Variants in ANKRD36C observed in about 807,000 individuals in gnomAD.
The protein encoded by ANKRD36C is ankyrin repeat domain 36C.
A neutral mutation model predicts 276.4 loss-of-function variants in ANKRD36C; 61 were observed. The ratio of observed to expected loss-of-function variants is 0.22; its 90% CI spans 0.18 to 0.27. The LOEUF (loss-of-function observed/expected upper bound fraction) is 0.27. Among genes scored for constraint, ANKRD36C ranks in the 10% least tolerant of loss-of-function variants. The pLI, the probability that ANKRD36C is intolerant of heterozygous loss-of-function variation, is 1.00. For missense variants in ANKRD36C, 1,447 were observed against 2,032.3 expected, an observed-to-expected ratio of 0.71 and a Z score of 5.54; for synonymous variants, 483 against 680.1, an observed-to-expected ratio of 0.71 and a Z score of 4.51.
chr2:95,910,295 AC>A (rs950542495), intron 42 of ANKRD36C, 77 bp downstream of exon 46: 2 of 1,433,700 alleles, frequency 1.4e-6, no homozygotes, highest in African/African-American at 2.9e-5. Flanking sequence ...TCGACGAGCC[AC>A]CCGCTGCTTT....
intron 60 of ANKRD36C, among the ~76,000 whole-genome samples, chr2:95,862,837 G>T (rs1675614362): frequency 6.6e-6 from 1 of 151,964 alleles, no homozygotes; most frequent in Non-Finnish European, 1.5e-5. Flanking sequence ...ACAGACCCCA[G>T]ATCTCCTTCA....
intron 48 of ANKRD36C, among the ~76,000 whole-genome samples, chr2:95,888,396 C>T (rs897303100): frequency 5.9e-5 from 9 of 151,750 alleles, no homozygotes; most frequent in East Asian, 3.9e-4. Flanking sequence ...GTGGATATGC[C>T]AAGTGATGAG....
intron 52 of ANKRD36C, among the ~76,000 whole-genome samples, 172 bp from the exon 73 acceptor site, chr2:95,884,540 G>A (rs1676158810): frequency 6.6e-6 from 1 of 151,956 alleles, no homozygotes; most frequent in African/African-American, 2.4e-5. Context: ...ACTGAAAAAA[G>A]TAATACAGCC....
At chr2:95,923,014 C>T (rs1402465317) in intron 32 of ANKRD36C, among the ~76,000 whole-genome samples, 1 of 151,516 alleles carries the variant, frequency 6.6e-6, no homozygotes, top group African/African-American at 2.4e-5. Context: ...TCTTCTTTTC[C>T]CTCTTTCCTG....
rs1202332829 is a variant in ANKRD36C, at chr2:95,898,048, C to T, written c.2755+1097G>A. On this transcript the variant is annotated intron_variant, in intron 44 of 66. Coordinates refer to ENST00000456556, the Ensembl canonical transcript of ANKRD36C. ...GATAATATTCATTATCTCTCTCAAC[C>T]ATATGGTGTAATAATCTGCCTAAGT... Among the ~76,000 whole-genome samples the T allele has an allele frequency of 2.7e-5, 4 of 148,662 alleles. 1 individual carries two copies. Among genetic ancestry groups the T allele is most frequent in the African/African-American group, 7.4e-5 (3 of 40,458 alleles).
chr2:95,911,954 T>A (rs975159359), intron 42 of ANKRD36C, among the ~76,000 whole-genome samples: 1 of 151,478 alleles, frequency 6.6e-6, no homozygotes, highest in Non-Finnish European at 1.5e-5. Context: ...GATGAAAAGA[T>A]GCTACAGAAT....
chr2:95,852,226 T>G, intron 64 of ANKRD36C, 30 bp from the exon 85 acceptor site: 1 of 1,529,320 alleles, frequency 6.5e-7, no homozygotes. Context: ...AAAATTACAT[T>G]TGGAAATGAC....
At chr2:95,894,467 A>C (rs1255227985) in intron 44 of ANKRD36C, among the ~76,000 whole-genome samples, 1 of 151,526 alleles carries the variant, frequency 6.6e-6, no homozygotes, top group Non-Finnish European at 1.5e-5. Context: ...AACTGCTACA[A>C]GCATTAGATA....
In ANKRD36C at chr2:95,880,759, C is replaced by A. The variant is rs535051156; in HGVS notation, c.3368-136G>T. 1.4e-3 allele frequency: 1,593 copies of A among 1,128,606 alleles called. 1 individual carries two copies. The highest frequency in any genetic ancestry group is 1.9e-3 in the Non-Finnish European group (1,510 of 802,022). 69.9% of individuals were successfully genotyped at this position (1,128,606 alleles called of 1,614,324 possible). ...GGTTTCATGTTTTTCTAGTTTGTTTCTTTGGGACAGTAATATGATAGAAAT... is the reference window on the plus strand; with the variant it reads ...GGTTTCATGTTTTTCTAGTTTGTTTATTTGGGACAGTAATATGATAGAAAT... On this transcript the variant is annotated intron_variant, in intron 56 of 66. Coordinates refer to ENST00000456556, the Ensembl canonical transcript of ANKRD36C.
Position 95,912,712 on chromosome 2 carries a change from C to A in ANKRD36C, c.2552-277G>T, listed in dbSNP as rs189489036. Reference sequence around the variant, plus strand: ...CCGTGTCAATATCAATGTGGATATGCTGAGTGATGAGGACAAATGTGATCT... The same window carrying A: ...CCGTGTCAATATCAATGTGGATATGATGAGTGATGAGGACAAATGTGATCT... On this transcript the variant is annotated intron_variant, in intron 40 of 66. Coordinates refer to ENST00000456556, the Ensembl canonical transcript of ANKRD36C. Among the ~76,000 whole-genome samples, 165 of 151,486 alleles carry A rather than the reference C, an allele frequency of 1.1e-3. 3 individuals carry two copies. Among genetic ancestry groups the A allele is most frequent in the African/African-American group, 3.7e-3 (153 of 41,398 alleles).
exon 66 of ANKRD36C, chr2:95,851,696 A>C (rs1675295393): frequency 6.7e-7 from 1 of 1,491,734 alleles, no homozygotes; most frequent in African/African-American, 1.4e-5. Flanking sequence ...CAGCTTACCA[A>C]ACTTGAATGC....
intron 50 of ANKRD36C, 54 bp downstream of exon 70, chr2:95,887,871 A>G (rs1676236657): frequency 3.9e-6 from 6 of 1,544,200 alleles, no homozygotes; most frequent in Admixed American, 2.0e-5. Context: ...CGGGGAAGAG[A>G]AGTACTTTTC....
intron 61 of ANKRD36C, among the ~76,000 whole-genome samples, chr2:95,858,613 G>A (rs1248245346): frequency 2.0e-5 from 3 of 152,078 alleles, no homozygotes; most frequent in Non-Finnish European, 4.4e-5. Context: ...TAAACAAGTT[G>A]ATACATTCAC....
intron 40 of ANKRD36C, among the ~76,000 whole-genome samples, chr2:95,913,867 G>C (rs1677008109): frequency 6.6e-6 from 1 of 151,356 alleles, no homozygotes; most frequent in African/African-American, 2.4e-5. Flanking sequence ...CTTATGCCTT[G>C]AACTGCTCTC....
intron 40 of ANKRD36C, among the ~76,000 whole-genome samples, chr2:95,913,479 G>A (rs1334152434): frequency 6.6e-6 from 1 of 151,366 alleles, no homozygotes; most frequent in Admixed American, 6.6e-5. Context: ...TCACTGTGGT[G>A]TATTCCAATT....
intron 13 of ANKRD36C, among the ~76,000 whole-genome samples, chr2:95,955,159 C>A (rs921143883): frequency 5.9e-5 from 9 of 152,222 alleles, no homozygotes; most frequent in East Asian, 1.9e-4. Flanking sequence ...GAGACATCCA[C>A]CCTGGATCAC....
At chr2:95,868,159 T>A (rs1675720544) in intron 59 of ANKRD36C, among the ~76,000 whole-genome samples, 1 of 152,136 alleles carries the variant, frequency 6.6e-6, no homozygotes, top group African/African-American at 2.4e-5. Context: ...TGGTGGAGAA[T>A]AATGCACATT....
downstream of ANKRD36C, among the ~76,000 whole-genome samples, chr2:95,850,412 T>C (rs1246296470): frequency 5.3e-5 from 8 of 152,300 alleles, no homozygotes; most frequent in Non-Finnish European, 1.0e-4. Context: ...CCCAGGTTTG[T>C]GTCAATATTG....
At chr2:95,939,509 T>C (rs1185515789) in intron 20 of ANKRD36C, among the ~76,000 whole-genome samples, 1 of 151,270 alleles carries the variant, frequency 6.6e-6, no homozygotes, top group Admixed American at 6.6e-5. Flanking sequence ...ATCGAGACCA[T>C]CCTGGCTAAC....
Sources: gnomAD v4.1 joint callset for allele counts (sites outside exome capture counted in the v4.1 genomes callset) on GRCh38, gnomAD v4.1.1 for gene constraint, MANE v1.5 for transcripts, NCBI Gene and HGNC (gene_info 2026-07-23, HGNC 2026-07-21) for gene names.